NKAIN1: variants seen among roughly 807,000 people sequenced by gnomAD.
NKAIN1 encodes the protein sodium/potassium transporting ATPase interacting 1.
A neutral mutation model predicts 31.6 loss-of-function variants in NKAIN1; 13 were observed. That is an observed-to-expected ratio of 0.41 (90% CI 0.27 to 0.65). The LOEUF (loss-of-function observed/expected upper bound fraction) is 0.65, where lower values mean the gene tolerates loss of function less well. Ranked by LOEUF, NKAIN1 falls within the 30% of genes least tolerant of loss-of-function variation. NKAIN1 has a pLI of 0.30. For synonymous variants in NKAIN1, 104 were observed against 109.0 expected (o/e 0.95, Z 0.28); for missense variants, 193 against 262.2 (o/e 0.74, Z 1.82).
rs143019264 is a variant in NKAIN1 at position 31,209,254 on chromosome 1, A to G, written c.55-21067T>C. Among the ~76,000 whole-genome samples, 79 of 152,342 alleles carry G rather than the reference A, an allele frequency of 5.2e-4. 1 individual carries two copies. Among genetic ancestry groups the G allele is most frequent in the African/African-American group, 1.7e-3 (71 of 41,598 alleles). ...GCTGGGCTTGGTGGTGGGCACCTGT[A>G]GTCCCAGCTACTTGGGAGGCTGAGG... On this transcript the variant is annotated intron_variant, in intron 1 of 6. Transcript: ENST00000373736.
At chr1:31,193,277 C>G (rs1645300163) in intron 1 of NKAIN1, among the ~76,000 whole-genome samples, 3 of 151,230 alleles carry the variant, frequency 2.0e-5, no homozygotes, top group Admixed American at 1.3e-4. Context: ...ACCATGTTAG[C>G]CAGGATGGTC....
At chr1:31,197,370 A>C (rs1645337003) in intron 1 of NKAIN1, among the ~76,000 whole-genome samples, 1 of 138,916 alleles carries the variant, frequency 7.2e-6, no homozygotes, top group Non-Finnish European at 1.5e-5. Context: ...CTCAGCCTCC[A>C]AAAGTGCTGG....
chr1:31,195,225 T>C (rs2148352685), intron 1 of NKAIN1, among the ~76,000 whole-genome samples: 1 of 151,400 alleles, frequency 6.6e-6, no homozygotes, highest in Non-Finnish European at 1.5e-5. Context: ...TTCAAGCTAT[T>C]CTCCTGCCTC....
At chr1:31,215,366 C>T (rs2148361026) in intron 1 of NKAIN1, among the ~76,000 whole-genome samples, 1 of 152,344 alleles carries the variant, frequency 6.6e-6, no homozygotes, top group South Asian at 2.1e-4. Flanking sequence ...TCCCGCTTCT[C>T]TTTCCAGTGG....
Position 31,180,320 on chromosome 1 carries a change from T to C in NKAIN1, c.*1383A>G, listed in dbSNP as rs1274829908. 6.6e-6 allele frequency: 1 copy of C among 152,250 alleles called. No individual in the cohort carries two copies. Among genetic ancestry groups the C allele is most frequent in the Non-Finnish European group, 1.5e-5 (1 of 68,072 alleles). 9.4% of individuals were successfully genotyped at this position (152,250 alleles called of 1,614,324 possible). On this transcript the variant is annotated 3_prime_UTR_variant, in exon 7 of 7. Coordinates refer to ENST00000373736, the MANE Select transcript of NKAIN1 (RefSeq NM_024522.3). ...AAATGCTGAGACCTGATCCTCTCTC[T>C]ATGGACGCACCAGGCAGTGCGTGGG...
chr1:31,194,432 G>C (rs1171354604), intron 1 of NKAIN1, among the ~76,000 whole-genome samples: 1 of 48,836 alleles, frequency 2.0e-5, no homozygotes, highest in Non-Finnish European at 4.0e-5. Context: ...TTTTTTTTTG[G>C]AGTTTCACTC....
rs35212874 is a variant in NKAIN1 at position 31,216,690 on chromosome 1, TTTTATTTA to T, written c.54+22796_54+22803del. On this transcript the variant is annotated intron_variant, in intron 1 of 6. Transcript: ENST00000373736. ...TCCTAGGAACGCCTGTGGCATTGACTTTTATTTATTTATTTATTTATTTATTTATTTAT... is the reference window on the plus strand; with the variant it reads ...TCCTAGGAACGCCTGTGGCATTGACTTTTATTTATTTATTTATTTATTTAT... Among the ~76,000 whole-genome samples, 450 of 140,556 alleles carry T rather than the reference TTTTATTTA, an allele frequency of 3.2e-3. 2 individuals are homozygous for T. The highest frequency in any genetic ancestry group is 0.011 in the African/African-American group (407 of 36,508). 92.2% of individuals were successfully genotyped at this position (140,556 alleles called of 152,430 possible). A position where few individuals can be genotyped will look rare whatever the true frequency, so the allele number is the denominator to read the frequency against.
intron 1 of NKAIN1, among the ~76,000 whole-genome samples, chr1:31,217,216 G>A (rs951759572): frequency 6.6e-6 from 1 of 152,134 alleles, no homozygotes; most frequent in Non-Finnish European, 1.5e-5. Flanking sequence ...CCAGGTTGGA[G>A]TGTGGCAGCA....
rs1239437359 is a variant in NKAIN1, at chr1:31,214,119, T to C, written c.54+25375A>G. On this transcript the variant is annotated intron_variant, in intron 1 of 6. Transcript: ENST00000373736. ...GCCATAAGAAAGAATGAAGTATTGA[T>C]ACCTGCTACAACATGAATGACCCTT... 5.3e-5 allele frequency among the ~76,000 whole-genome samples: 8 copies of C among 152,284 alleles called. No individual in the cohort carries two copies. The East Asian group carries it at 1.5e-3, about 29-fold the overall frequency.
intron 2 of NKAIN1, 27 bp downstream of exon 2, chr1:31,188,023 C>T: frequency 6.5e-7 from 1 of 1,547,864 alleles, no homozygotes; most frequent in Non-Finnish European, 8.7e-7. Context: ...GAGGAGTTGG[C>T]TTGGGAAGGG....
intron 1 of NKAIN1, among the ~76,000 whole-genome samples, chr1:31,211,739 G>A (rs979064814): frequency 7.2e-5 from 11 of 151,976 alleles, no homozygotes; most frequent in Non-Finnish European, 1.6e-4. Flanking sequence ...GCTTGAGTTC[G>A]AGTCCAGCCT....
At chr1:31,235,989 C>T (rs1569596942) in intron 1 of NKAIN1, among the ~76,000 whole-genome samples, 1 of 152,280 alleles carries the variant, frequency 6.6e-6, no homozygotes, top group Non-Finnish European at 1.5e-5. Flanking sequence ...CAATAAGCTA[C>T]AGTTTAATGA....
At chr1:31,195,892 C>CAAAA (rs35343235) in intron 1 of NKAIN1, among the ~76,000 whole-genome samples, 1 of 118,122 alleles carries the variant, frequency 8.5e-6, no homozygotes, top group African/African-American at 3.3e-5. Context: ...CTACCTGTCT[C>CAAAA]AAAAAAAAAA....
At chr1:31,217,804 C>A (rs371418538) in intron 1 of NKAIN1, among the ~76,000 whole-genome samples, 1 of 152,174 alleles carries the variant, frequency 6.6e-6, no homozygotes, top group African/African-American at 2.4e-5. Context: ...ACCTAACAGG[C>A]CCCACTGTGT....
intron 1 of NKAIN1, among the ~76,000 whole-genome samples, chr1:31,206,722 C>G (rs1207104167): frequency 1.3e-5 from 2 of 151,902 alleles, no homozygotes; most frequent in East Asian, 3.9e-4. Context: ...TAGGTGTGAG[C>G]CACTGCACCT....
intron 6 of NKAIN1, 67 bp from the exon 7 acceptor site, chr1:31,181,779 G>T: frequency 3.9e-6 from 6 of 1,550,430 alleles, no homozygotes; most frequent in Non-Finnish European, 5.2e-6. Context: ...AGACCCGGTT[G>T]CCCTGCCCAC....
intron 1 of NKAIN1, among the ~76,000 whole-genome samples, chr1:31,219,583 AG>A (rs906545130): frequency 6.6e-6 from 1 of 152,196 alleles, no homozygotes; most frequent in African/African-American, 2.4e-5. Flanking sequence ...TGGCCAGAGG[AG>A]GGCCACAGAA....
At position 31,188,089 on chromosome 1, in the gene NKAIN1, G is replaced by C. The variant is rs143336915; in HGVS notation, c.153C>G (p.Ile51Met). The C allele has an allele frequency of 1.0e-5, 16 of 1,553,632 alleles. No homozygotes were observed. The highest frequency in any genetic ancestry group is 1.4e-5 in the Non-Finnish European group (16 of 1,148,112). ...FLHIMAVILG[I>M]FGTVQYRSRY... is the part of the protein sequence containing the mutation. ...GGGAGCGGTACTGCACGGTGCCAAA[G>C]ATGCCCAGGATGACTGCCATGATGT... Residue 51 changes from isoleucine to methionine, a missense_variant, in exon 2 of 7, where the codon ATC becomes ATG. Physicochemically the swap from Ile to Met is conservative, Grantham distance 10. Coordinates refer to ENST00000373736, the MANE Select transcript of NKAIN1 (RefSeq NM_024522.3).
At chr1:31,213,891 G>A (rs1173776804) in intron 1 of NKAIN1, among the ~76,000 whole-genome samples, 2 of 151,990 alleles carry the variant, frequency 1.3e-5, no homozygotes, top group South Asian at 2.1e-4. Context: ...CTACTTGGGA[G>A]GCTGAGGCAT....
Sources: allele counts gnomAD v4.1 joint callset (sites outside exome capture counted in the v4.1 genomes callset), GRCh38; gene constraint gnomAD v4.1.1; transcripts MANE v1.5; gene names NCBI Gene and HGNC (gene_info 2026-07-23, HGNC 2026-07-21).